Variants in ANKFN1 observed in about 807,000 individuals in gnomAD.
The protein encoded by ANKFN1 is ankyrin repeat and fibronectin type III domain containing 1.
Under a neutral mutation model 108.7 loss-of-function variants are expected in ANKFN1, and 74 were observed. The observed-to-expected ratio is 0.68, with a 90% confidence interval of 0.56 to 0.83. ANKFN1 has a LOEUF of 0.83. Ranked by LOEUF, ANKFN1 falls within the 40% of genes least tolerant of loss-of-function variation. ANKFN1 has a pLI of 0.00. For synonymous variants in ANKFN1, 547 were observed against 516.2 expected (o/e 1.06, Z -0.81); for missense variants, 1,505 against 1,382.3 (o/e 1.09, Z -1.41).
chr17:56,384,725 T>A (rs2047211100), intron 8 of ANKFN1, among the ~76,000 whole-genome samples: 1 of 151,998 alleles, frequency 6.6e-6, no homozygotes. Flanking sequence ...CACAATTGCT[T>A]CAAAGAGAAT....
At chr17:56,492,140 T>G (rs977243100) in intron 18 of ANKFN1, 47 bp from the exon 19 acceptor site, 3 of 678,652 alleles carry the variant, frequency 4.4e-6, no homozygotes, top group African/African-American at 1.8e-5. Context: ...TTTCTCTATT[T>G]TGATACCAGA....
chr17:56,174,341 C>T (rs1910936049), intron 1 of ANKFN1: 2 of 985,468 alleles, frequency 2.0e-6, no homozygotes, highest in Non-Finnish European at 2.4e-6. Flanking sequence ...GAATCCCTAC[C>T]AAGTGTGCAA....
chr17:56,419,256 C>T (rs1292215487), intron 8 of ANKFN1, among the ~76,000 whole-genome samples: 1 of 149,416 alleles, frequency 6.7e-6, no homozygotes, highest in Non-Finnish European at 1.5e-5. Context: ...CCGAGGCGGG[C>T]AGATCACCTG....
chr17:56,267,474 G>T (rs1156822413), intron 3 of ANKFN1, among the ~76,000 whole-genome samples: 1 of 152,124 alleles, frequency 6.6e-6, no homozygotes, highest in African/African-American at 2.4e-5. Context: ...TCTTCATCAT[G>T]AACTCATTGA....
chr17:56,510,787 G>A lies in ANKFN1; in HGVS notation c.2959G>A (p.Val987Met). ...GFTPKNHAKT[V>M]SGGRPPLGFL... ...CACACCCAAGAACCACGCCAAGACT[G>A]TGTCCGGTGGGCGGCCCCCGCTAGG... Residue 987 changes from valine (V) to methionine (M), a missense_variant, in exon 21 of 21, where the codon GTG becomes ATG. Physicochemically the swap from Val to Met is conservative, Grantham distance 21 (BLOSUM62 1). Transcript: ENST00000682825. 6.5e-7 allele frequency: 1 copy of A among 1,536,138 alleles called. No homozygotes were observed. Among genetic ancestry groups the A allele is most frequent in the Non-Finnish European group, 8.7e-7 (1 of 1,146,904 alleles).
intron 4 of ANKFN1, among the ~76,000 whole-genome samples, chr17:56,075,747 G>T (rs1467847232): frequency 6.6e-6 from 1 of 152,144 alleles, no homozygotes; most frequent in Non-Finnish European, 1.5e-5. Context: ...GGGAAGAAGG[G>T]CTGGAACACT....
chr17:56,379,645 A>T (rs1429299045), intron 8 of ANKFN1, among the ~76,000 whole-genome samples: 1 of 152,232 alleles, frequency 6.6e-6, no homozygotes. Flanking sequence ...TTACAAATCT[A>T]TGTAAATGTG....
At chr17:56,205,187 T>C (rs1914426261) in intron 1 of ANKFN1, among the ~76,000 whole-genome samples, 1 of 152,220 alleles carries the variant, frequency 6.6e-6, no homozygotes, top group Non-Finnish European at 1.5e-5. Flanking sequence ...CAAATCACTG[T>C]GATTTCAGGA....
rs544517116 is a variant in ANKFN1 at position 56,307,059 on chromosome 17, C to T, written c.54-19162C>T. 3.3e-5 allele frequency among the ~76,000 whole-genome samples: 5 copies of T among 152,254 alleles called. No individual in the cohort carries two copies. The East Asian group carries it at 9.6e-4, about 29-fold the overall frequency. On this transcript the variant is annotated intron_variant, in intron 3 of 20. Transcript: ENST00000682825. ...GCTGAAACTGGATCCCTTCCTTACACCTTATACAAAAATTAATTCAAGATG... is the reference window on the plus strand; with the variant it reads ...GCTGAAACTGGATCCCTTCCTTACATCTTATACAAAAATTAATTCAAGATG...
At chr17:56,407,931 CTTTTTTTT>C (rs761975892) in intron 8 of ANKFN1, among the ~76,000 whole-genome samples, 5,534 of 104,680 alleles carry the variant, frequency 0.053, 316 homozygotes, top group African/African-American at 0.18. Context: ...TCTTTTTTAT[CTTTTTTTT>C]TTTTTTTTTT....
intron 1 of ANKFN1, among the ~76,000 whole-genome samples, chr17:56,189,833 A>G (rs949840260): frequency 6.6e-6 from 1 of 152,202 alleles, no homozygotes; most frequent in Admixed American, 6.5e-5. Flanking sequence ...TCATTCATAA[A>G]TACAATTCTA....
At chr17:56,210,343 A>G (rs1299919424) in intron 1 of ANKFN1, among the ~76,000 whole-genome samples, 1 of 152,194 alleles carries the variant, frequency 6.6e-6, no homozygotes. Context: ...GCACTAATTT[A>G]CATTCCCACC....
At position 56,064,007 on chromosome 17, in the gene ANKFN1, G is replaced by C. The variant is rs577214169; in HGVS notation, c.288+17682G>C. Among the ~76,000 whole-genome samples the C allele has an allele frequency of 8.2e-4, 125 of 152,238 alleles. 1 individual carries two copies. Among genetic ancestry groups the C allele is most frequent in the African/African-American group, 2.8e-3 (118 of 41,544 alleles). The stretch of plus-strand genomic sequence containing the variant: ...CAATGGCCAGGTCCCTCTTCTGTAG[G>C]GCTGCTGCAGTTTGTTGGGGGTTCA... On this transcript the variant is annotated intron_variant, in intron 4 of 12. Transcript: ENST00000635860.
intron 19 of ANKFN1, among the ~76,000 whole-genome samples, chr17:56,497,094 T>C (rs1190333034): frequency 1.3e-5 from 2 of 152,110 alleles, no homozygotes; most frequent in Non-Finnish European, 2.9e-5. Flanking sequence ...CTATCCACAG[T>C]CATGCGGTGC....
intron 3 of ANKFN1, among the ~76,000 whole-genome samples, chr17:56,236,549 A>G (rs772112183): frequency 9.9e-5 from 15 of 152,120 alleles, no homozygotes; most frequent in Non-Finnish European, 1.9e-4. Context: ...TTGTATCCTG[A>G]AACTTTGCCG....
intron 3 of ANKFN1, among the ~76,000 whole-genome samples, chr17:56,270,935 T>C (rs1476208718): frequency 1.3e-5 from 2 of 152,176 alleles, no homozygotes; most frequent in African/African-American, 4.8e-5. Context: ...TCTTTAATGT[T>C]TAATTTTCTT....
chr17:56,157,440 G>A (rs964122312), intron 1 of ANKFN1, among the ~76,000 whole-genome samples: 16 of 152,170 alleles, frequency 1.1e-4, no homozygotes, highest in East Asian at 3.9e-4. Context: ...TTATACCCTC[G>A]GATGACCATC....
chr17:56,206,734 G>A (rs971428500), intron 1 of ANKFN1, among the ~76,000 whole-genome samples: 19 of 152,094 alleles, frequency 1.2e-4, no homozygotes, highest in South Asian at 2.1e-4. Context: ...TACTATCCCC[G>A]TGCTTCCCAT....
intron 8 of ANKFN1, among the ~76,000 whole-genome samples, chr17:56,396,554 A>G (rs1015104701): frequency 2.6e-5 from 4 of 151,972 alleles, no homozygotes; most frequent in Non-Finnish European, 5.9e-5. Flanking sequence ...TTTTTTTGAC[A>G]TTTTATAACA....
Sources: allele counts gnomAD v4.1 joint callset (sites outside exome capture counted in the v4.1 genomes callset), GRCh38; gene constraint gnomAD v4.1.1; transcripts MANE v1.5; gene names NCBI Gene and HGNC (gene_info 2026-07-23, HGNC 2026-07-21).